VWA8: variants seen among roughly 807,000 people sequenced by gnomAD.
VWA8 encodes the protein von Willebrand factor A domain containing 8.
A neutral mutation model predicts 241.5 loss-of-function variants in VWA8; 221 were observed. The ratio of observed to expected loss-of-function variants is 0.91; its 90% confidence interval spans 0.82 to 1.02. The LOEUF (loss-of-function observed/expected upper bound fraction) is 1.02. VWA8 is among the 50% of genes least tolerant of loss of function. The probability of loss-of-function intolerance (pLI) is 0.00; values close to 1 mark genes in which losing one functional copy is unlikely to be tolerated. For missense variants in VWA8, 2,322 were observed against 2,328.7 expected, an observed-to-expected ratio of 1.00 and a Z score of 0.06; for synonymous variants, 852 against 827.1, an observed-to-expected ratio of 1.03 and a Z score of -0.52.
chr13:41,637,218 G>C (rs2139678633), intron 37 of VWA8, among the ~76,000 whole-genome samples: 1 of 151,552 alleles, frequency 6.6e-6, no homozygotes, highest in South Asian at 2.1e-4. Flanking sequence ...ATATACCATG[G>C]AATACTATGC....
chr13:41,873,132 A>T (rs943118640), intron 9 of VWA8, among the ~76,000 whole-genome samples: 2 of 152,216 alleles, frequency 1.3e-5, no homozygotes, highest in Non-Finnish European at 2.9e-5. Flanking sequence ...CTTTGAAACC[A>T]ACGAGAACAA....
At chr13:41,764,504 T>C (rs1185261569) in intron 20 of VWA8, among the ~76,000 whole-genome samples, 2 of 152,122 alleles carry the variant, frequency 1.3e-5, no homozygotes, top group Non-Finnish European at 1.5e-5. Context: ...ACACATATAA[T>C]AGATAGTGTC....
At chr13:41,628,781 G>A (rs1008885940) in intron 37 of VWA8, among the ~76,000 whole-genome samples, 19 of 152,270 alleles carry the variant, frequency 1.2e-4, no homozygotes, top group African/African-American at 4.1e-4. Context: ...AGTGGCTCAC[G>A]CCTGTAATCC....
intron 20 of VWA8, among the ~76,000 whole-genome samples, chr13:41,775,080 G>C (rs1868530335): frequency 6.6e-6 from 1 of 152,120 alleles, no homozygotes; most frequent in African/African-American, 2.4e-5. Flanking sequence ...TAATTTGTCT[G>C]AGGAAAAAAA....
At chr13:41,860,762 TGAATTATTAGA>T (rs1409537732) in intron 12 of VWA8, among the ~76,000 whole-genome samples, 1 of 152,160 alleles carries the variant, frequency 6.6e-6, no homozygotes, top group Non-Finnish European at 1.5e-5. Flanking sequence ...CTATGAGATC[TGAATTATTAGA>T]TATACACATA....
intron 17 of VWA8, among the ~76,000 whole-genome samples, chr13:41,798,380 T>C (rs1219825377): frequency 6.6e-6 from 1 of 152,186 alleles, no homozygotes; most frequent in East Asian, 1.9e-4. Context: ...AAAAAACTAC[T>C]AAACGTAGTA....
At position 41,729,629 on chromosome 13, in the gene VWA8, T is replaced by C. The variant is rs1227635596; in HGVS notation, c.2551A>G (p.Lys851Glu). The C allele has an allele frequency of 6.2e-7, 1 of 1,613,454 alleles. No individual in the cohort carries two copies. Among genetic ancestry groups the C allele is most frequent in the South Asian group, 1.1e-5 (1 of 90,978 alleles). Residue 851 changes from lysine to glutamate, a missense_variant, in exon 23 of 45, where the codon AAA (lysine) becomes GAA (glutamate). Lys to Glu is a moderately conservative substitution (Grantham distance 56). Transcript: ENST00000379310. ...ATACACGTGACATTTGTTGGAGCTT[T>C]GTCAGCCTCATCTACTACCAGAATA... ...GHILVVDEAD[K>E]APTNVTCILK... is the part of the protein sequence containing the mutation.
At chr13:41,761,839 T>A (rs911502428) in intron 20 of VWA8, among the ~76,000 whole-genome samples, 2 of 152,038 alleles carry the variant, frequency 1.3e-5, no homozygotes, top group Non-Finnish European at 2.9e-5. Flanking sequence ...AGAAGACAGA[T>A]TGTTAAAAAT....
intron 21 of VWA8, among the ~76,000 whole-genome samples, chr13:41,738,097 C>G (rs2045539365): frequency 1.3e-5 from 2 of 152,070 alleles, no homozygotes; most frequent in African/African-American, 4.8e-5. Context: ...GAATGAGAGA[C>G]AGAAGGAATA....
chr13:41,646,128 A>T (rs542540150), intron 37 of VWA8, among the ~76,000 whole-genome samples: 1 of 152,172 alleles, frequency 6.6e-6, no homozygotes, highest in South Asian at 2.1e-4. Context: ...CACCACGCCC[A>T]GCTAATTTTG....
At chr13:41,893,178 G>GATTTTC (rs1566497161) in intron 4 of VWA8, among the ~76,000 whole-genome samples, 1 of 152,130 alleles carries the variant, frequency 6.6e-6, no homozygotes, top group Non-Finnish European at 1.5e-5. Flanking sequence ...TTCTGGAGTA[G>GATTTTC]CAATGTACTG....
chr13:41,664,431 T>G (rs936696564), intron 37 of VWA8, among the ~76,000 whole-genome samples: 2 of 121,524 alleles, frequency 1.6e-5, no homozygotes, highest in Non-Finnish European at 3.5e-5. Context: ...GTGTGTGTGT[T>G]CCATTTGTTA....
chr13:41,804,381 AG>A (rs1870091379), intron 17 of VWA8, among the ~76,000 whole-genome samples: 1 of 152,184 alleles, frequency 6.6e-6, no homozygotes, highest in Non-Finnish European at 1.5e-5. Context: ...TGAAGGAAAA[AG>A]CTTTTATCCT....
chr13:41,771,791 G>A (rs982452695), intron 20 of VWA8, among the ~76,000 whole-genome samples: 12 of 149,488 alleles, frequency 8.0e-5, no homozygotes, highest in African/African-American at 2.5e-4. Flanking sequence ...CATATTGCCC[G>A]TGCTGGTCTC....
rs1191810226 is a variant in VWA8, at chr13:41,784,737, C to CACATATAT, written c.2171-837_2171-836insATATATGT. On this transcript the variant is annotated intron_variant, in intron 18 of 44. Transcript: ENST00000379310. ...ATATATATATATATATATACACACA[C>CACATATAT]ATATATATATATATATATATATATA... is the stretch of plus-strand genomic sequence containing the variant. Among the ~76,000 whole-genome samples, 414 of 72,488 alleles carry CACATATAT rather than the reference C, an allele frequency of 5.7e-3. 10 individuals carry two copies. Among genetic ancestry groups the CACATATAT allele is most frequent in the Middle Eastern group, 0.014 (2 of 140 alleles). 47.6% of individuals were successfully genotyped at this position (72,488 alleles called of 152,430 possible). A position where few individuals can be genotyped will look rare whatever the true frequency, so the allele number is the denominator to read the frequency against.
At chr13:41,715,135 C>A (rs1215524490) in intron 26 of VWA8, among the ~76,000 whole-genome samples, 1 of 151,702 alleles carries the variant, frequency 6.6e-6, no homozygotes, top group Non-Finnish European at 1.5e-5. Context: ...TGCCATAGGT[C>A]CGTTGGGAGA....
chr13:41,647,923 A>G (rs1246647993), intron 37 of VWA8, among the ~76,000 whole-genome samples: 1 of 152,126 alleles, frequency 6.6e-6, no homozygotes, highest in East Asian at 1.9e-4. Flanking sequence ...CGGGAGGCAG[A>G]GGTTGCAGTG....
At chr13:41,893,692 T>C (rs895561998) in intron 4 of VWA8, among the ~76,000 whole-genome samples, 8 of 152,136 alleles carry the variant, frequency 5.3e-5, no homozygotes, top group Non-Finnish European at 1.2e-4. Flanking sequence ...AAGACCAGCC[T>C]GGCCAATATT....
At chr13:41,767,568 T>A (rs910160129) in intron 20 of VWA8, among the ~76,000 whole-genome samples, 1 of 152,170 alleles carries the variant, frequency 6.6e-6, no homozygotes, top group African/African-American at 2.4e-5. Flanking sequence ...AGAAAAAAAA[T>A]TATTAAAACT....
Sources: gnomAD v4.1 joint callset for allele counts (sites outside exome capture counted in the v4.1 genomes callset) on GRCh38, gnomAD v4.1.1 for gene constraint, MANE v1.5 for transcripts, NCBI Gene and HGNC (gene_info 2026-07-23, HGNC 2026-07-21) for gene names.